RASL12: variants seen among roughly 807,000 people sequenced by gnomAD.
The protein encoded by RASL12 is ras-like protein family member 12.
A neutral mutation model predicts 22.9 loss-of-function variants in RASL12; 16 were observed. The ratio of observed to expected loss-of-function variants is 0.70; its 90% CI spans 0.47 to 1.06. The LOEUF is 1.06. Ranked by LOEUF, RASL12 falls within the 50% of genes least tolerant of loss-of-function variation. The pLI, the probability that RASL12 is intolerant of heterozygous loss-of-function variation, is 0.00. For missense variants in RASL12, 306 were observed against 353.1 expected, an observed-to-expected ratio of 0.87 and a Z score of 1.07; for synonymous variants, 159 against 152.2, an observed-to-expected ratio of 1.04 and a Z score of -0.33.
rs982572724 is a variant in RASL12 at position 65,054,488 on chromosome 15, C to T, written c.*411G>A. On this transcript the variant is annotated 3_prime_UTR_variant, in exon 5 of 5. Transcript: ENST00000220062. ...GCACAAGGACCCCAGGCTGTCATTCCGCAGGCTGTTCTCGGGCCTGACATT... is the reference window on the plus strand; with the variant it reads ...GCACAAGGACCCCAGGCTGTCATTCTGCAGGCTGTTCTCGGGCCTGACATT... The T allele has an allele frequency of 5.6e-5, 56 of 1,000,756 alleles. No individual in the cohort carries two copies. The highest frequency in any genetic ancestry group is 1.0e-4 in the East Asian group (1 of 9,632). The allele number at this position is 1,000,756 out of a possible 1,614,324, so 62.0% of individuals were successfully genotyped here.
intron 1 of RASL12, among the ~76,000 whole-genome samples, chr15:65,075,906 C>T (rs1293393327): frequency 6.6e-6 from 1 of 151,450 alleles, no homozygotes; most frequent in African/African-American, 2.4e-5. Context: ...GTAAACACAC[C>T]AATCAGCACC....
At chr15:65,053,141 G>T, downstream of RASL12, 1 of 1,614,048 alleles carries the variant, frequency 6.2e-7, no homozygotes, top group Non-Finnish European at 8.5e-7. Context: ...TTTCCTTCCG[G>T]ATGTACCAGA....
At chr15:65,070,387 A>G (rs1214658830), upstream of RASL12, among the ~76,000 whole-genome samples, 2 of 152,248 alleles carry the variant, frequency 1.3e-5, no homozygotes, top group Admixed American at 1.3e-4. Context: ...CTGGATATAA[A>G]TAGCACACAT....
At chr15:65,053,285 T>C, downstream of RASL12, 1 of 1,430,670 alleles carries the variant, frequency 7.0e-7, no homozygotes, top group Non-Finnish European at 9.1e-7. Context: ...TTTCTTTCTT[T>C]CTTTTTTTTT....
At chr15:65,069,665 A>G (rs1037050735), upstream of RASL12, among the ~76,000 whole-genome samples, 7 of 152,170 alleles carry the variant, frequency 4.6e-5, no homozygotes, top group African/African-American at 1.7e-4. Context: ...GAACTCTGTA[A>G]CCATCTGACT....
the RASL12 span, among the ~76,000 whole-genome samples, chr15:65,048,144 G>A: frequency 6.6e-6 from 1 of 150,988 alleles, no homozygotes; most frequent in Non-Finnish European, 1.5e-5. Context: ...TCACGTCACT[G>A]CACTCCAGCC....
At chr15:65,075,326 T>G (rs1432488070) in intron 1 of RASL12, among the ~76,000 whole-genome samples, 2 of 152,182 alleles carry the variant, frequency 1.3e-5, no homozygotes, top group Admixed American at 1.3e-4. Flanking sequence ...TGGGCTCCTG[T>G]GCGGCCCGAG....
downstream of RASL12, chr15:65,053,013 A>G (rs2086675715): frequency 3.7e-6 from 6 of 1,613,356 alleles, no homozygotes; most frequent in Non-Finnish European, 4.2e-6. Flanking sequence ...GAAGTCCTGC[A>G]TTTGGATGAG....
At chr15:65,060,026 A>C (rs2086783280) in intron 2 of RASL12, among the ~76,000 whole-genome samples, 1 of 152,228 alleles carries the variant, frequency 6.6e-6, no homozygotes, top group Non-Finnish European at 1.5e-5. Context: ...TAGCTTTGTG[A>C]CTTGGCCAAA....
Position 65,058,619 on chromosome 15 carries a change from TG to T in RASL12, c.235-3del. On this transcript the variant is annotated splice_region_variant and splice_polypyrimidine_tract_variant and intron_variant, in intron 3 of 4. Coordinates refer to ENST00000220062, the MANE Select transcript of RASL12 (RefSeq NM_016563.4). ...GCGCTCGCAGTTCCTGGGGGTGTCC[TG>T]GGGTGAAGGTGAGAAGCCCCGCCGG... The T allele has an allele frequency of 6.5e-7, 1 of 1,531,582 alleles. No individual in the cohort carries two copies. The highest frequency in any genetic ancestry group is 8.9e-7 in the Non-Finnish European group (1 of 1,128,166). 94.9% of individuals were successfully genotyped at this position (1,531,582 alleles called of 1,614,324 possible).
chr15:65,053,283 TTTC>T (rs2086680301), downstream of RASL12: 2 of 1,434,530 alleles, frequency 1.4e-6, no homozygotes, highest in Non-Finnish European at 9.1e-7. Context: ...TTTTTCTTTC[TTTC>T]TTTTTTTTTT....
chr15:65,071,592 C>T (rs1024240608), upstream of RASL12, among the ~76,000 whole-genome samples: 4 of 152,016 alleles, frequency 2.6e-5, no homozygotes, highest in Non-Finnish European at 5.9e-5. Flanking sequence ...GGTGGGTGCC[C>T]GAGCCCCAGC....
At chr15:65,075,334 G>A (rs868224075) in intron 1 of RASL12, among the ~76,000 whole-genome samples, 5 of 152,204 alleles carry the variant, frequency 3.3e-5, no homozygotes, top group Admixed American at 2.6e-4. Context: ...TGTGCGGCCC[G>A]AGCCTCCCCG....
chr15:65,065,417 G>A (rs1566956301), intron 1 of RASL12, 144 bp from the exon 2 acceptor site: 1 of 780,736 alleles, frequency 1.3e-6, no homozygotes, highest in Non-Finnish European at 2.1e-6. Context: ...CTAGGGAACT[G>A]AGGAATTGGT....
Position 65,059,432 on chromosome 15 carries a change from G to A in RASL12, c.161-14C>T. ...TGTAGGTGTCCTCTACAACACAGAT[G>A]GTTAGCCAGGTCAGACACAGTGCCT... On this transcript the variant is annotated splice_polypyrimidine_tract_variant and intron_variant, in intron 2 of 4. Transcript: ENST00000220062. 1 of 1,608,408 alleles carries A rather than the reference G, an allele frequency of 6.2e-7. No individual in the cohort carries two copies.
chr15:65,056,979 A>G (rs2086740219), intron 4 of RASL12, among the ~76,000 whole-genome samples: 1 of 152,132 alleles, frequency 6.6e-6, no homozygotes, highest in East Asian at 1.9e-4. Flanking sequence ...CTGTACTGAA[A>G]ACTGGCCTAC....
At position 65,065,201 on chromosome 15, in the gene RASL12, G is replaced by A. The variant is rs768615529; in HGVS notation, c.160+16C>T. ...TGGGGCACAGGCAGCAGAAGGTACG[G>A]GGAGTAGTTTCTTACCCAAGTTGGG... On this transcript the variant is annotated intron_variant, in intron 2 of 4. Transcript: ENST00000220062. The A allele has an allele frequency of 4.9e-5, 79 of 1,611,034 alleles. 1 individual carries two copies. The South Asian group carries it at 8.5e-4, about 17-fold the overall frequency.
At chr15:65,059,280 G>C (rs934032344) in intron 3 of RASL12, 65 bp downstream of exon 3, 1 of 1,426,482 alleles carries the variant, frequency 7.0e-7, no homozygotes, top group East Asian at 2.3e-5. Context: ...CCGCACTCTG[G>C]GCCAGGACTT....
chr15:65,067,901 G>C lies in RASL12; in HGVS notation c.-66C>G, dbSNP rs1028131612. 1 of 1,358,696 alleles carries C rather than the reference G, an allele frequency of 7.4e-7. No homozygotes were observed. Among genetic ancestry groups the C allele is most frequent in the African/African-American group, 1.5e-5 (1 of 64,706 alleles). The allele number at this position is 1,358,696 out of a possible 1,614,324, so 84.2% of individuals were successfully genotyped here. On this transcript the variant is annotated 5_prime_UTR_variant, in exon 1 of 5. Transcript: ENST00000220062. Reference sequence around the variant, plus strand: ...GCCCCGCGCAGTGCGCCCGCCCGTCGGGGCCCAGGGGAGCGGGATGCAGGC... The same window carrying C: ...GCCCCGCGCAGTGCGCCCGCCCGTCCGGGCCCAGGGGAGCGGGATGCAGGC...
Sources: gnomAD v4.1 joint callset for allele counts (sites outside exome capture counted in the v4.1 genomes callset) on GRCh38, gnomAD v4.1.1 for gene constraint, MANE v1.5 for transcripts, NCBI Gene and HGNC (gene_info 2026-07-23, HGNC 2026-07-21) for gene names.